The following GALNT10 variants were observed in gnomAD, a reference collection of about 807,000 sequenced individuals.
GALNT10 encodes the protein polypeptide N-acetylgalactosaminyltransferase 10.
Under a neutral mutation model 75.0 loss-of-function variants are expected in GALNT10, and 41 were observed. That is an observed-to-expected ratio of 0.55 (90% CI 0.43 to 0.71). GALNT10 has a LOEUF of 0.71. Among genes scored for constraint, GALNT10 ranks in the 30% least tolerant of loss-of-function variants. The probability of loss-of-function intolerance (pLI) is 0.00; values close to 1 mark genes in which losing one functional copy is unlikely to be tolerated. For missense variants in GALNT10, 727 were observed against 818.5 expected (o/e 0.89, Z 1.36); for synonymous variants, 302 against 313.0 (o/e 0.96, Z 0.37).
chr5:154,380,600 C>T lies in GALNT10; in HGVS notation c.907C>T (p.Leu303=). The change falls in exon 6 of 12, where the codon CTG becomes TTG. Residue 303 remains leucine (L), a synonymous_variant. Coordinates refer to ENST00000297107, the MANE Select transcript of GALNT10 (RefSeq NM_198321.4). ...YYKRIPIPPE[L]QKADPSDPFE... ...CAAGCGGATCCCGATCCCTCCAGAACTGCAGAAAGCTGACCCCAGCGACCC... is the reference window on the plus strand; with the variant it reads ...CAAGCGGATCCCGATCCCTCCAGAATTGCAGAAAGCTGACCCCAGCGACCC... 1 of 1,613,586 alleles carries T rather than the reference C, an allele frequency of 6.2e-7. No homozygotes were observed. The highest frequency in any genetic ancestry group is 1.1e-5 in the South Asian group (1 of 91,032).
intron 4 of GALNT10, among the ~76,000 whole-genome samples, chr5:154,375,092 G>C (rs1755633540): frequency 6.6e-6 from 1 of 152,174 alleles, no homozygotes; most frequent in Non-Finnish European, 1.5e-5. Context: ...GTATATGATT[G>C]TCAGAAACTG....
At chr5:154,223,728 T>C (rs1753021442) in intron 1 of GALNT10, among the ~76,000 whole-genome samples, 1 of 152,140 alleles carries the variant, frequency 6.6e-6, no homozygotes, top group Admixed American at 6.5e-5. Flanking sequence ...GACACCAGCC[T>C]GGCCAACATG....
intron 1 of GALNT10, among the ~76,000 whole-genome samples, chr5:154,236,813 A>G (rs1201282263): frequency 6.6e-6 from 1 of 152,202 alleles, no homozygotes; most frequent in Non-Finnish European, 1.5e-5. Context: ...GAGATCCCCC[A>G]GGGTGGTTGA....
At chr5:154,276,948 A>AC (rs1200634987) in intron 1 of GALNT10, among the ~76,000 whole-genome samples, 2 of 152,174 alleles carry the variant, frequency 1.3e-5, no homozygotes, top group African/African-American at 4.8e-5. Flanking sequence ...CTATTTTGGC[A>AC]CCTTAGCTTG....
intron 4 of GALNT10, among the ~76,000 whole-genome samples, chr5:154,349,276 C>G (rs1054303696): frequency 2.0e-5 from 3 of 152,088 alleles, no homozygotes; most frequent in Non-Finnish European, 4.4e-5. Context: ...TCCTGAGTTA[C>G]TGTACCTCTG....
intron 7 of GALNT10, among the ~76,000 whole-genome samples, chr5:154,401,177 A>G (rs1756154734): frequency 1.3e-5 from 2 of 152,236 alleles, no homozygotes. Context: ...CAGAGGTCAC[A>G]GCAAAGAGAA....
chr5:154,349,139 G>C (rs149133268), intron 4 of GALNT10, among the ~76,000 whole-genome samples: 1 of 152,042 alleles, frequency 6.6e-6, no homozygotes, highest in South Asian at 2.1e-4. Context: ...ATCAGGAAAG[G>C]CTTCCTAGAT....
At chr5:154,391,262 C>G (rs1236330526) in intron 7 of GALNT10, among the ~76,000 whole-genome samples, 1 of 152,182 alleles carries the variant, frequency 6.6e-6, no homozygotes, top group East Asian at 1.9e-4. Context: ...TGCTAAGATC[C>G]CTTTTCTTGG....
At chr5:154,297,388 T>C (rs17115870) in intron 2 of GALNT10, among the ~76,000 whole-genome samples, 67,418 of 152,154 alleles carry the variant, frequency 0.44, 15,728 homozygotes, top group African/African-American at 0.55. Flanking sequence ...AAGTTTGCCT[T>C]ATCTACAGTA....
At chr5:154,364,252 T>G (rs1755441392) in intron 4 of GALNT10, among the ~76,000 whole-genome samples, 1 of 152,062 alleles carries the variant, frequency 6.6e-6, no homozygotes, top group Admixed American at 6.6e-5. Flanking sequence ...TGAGAGATGG[T>G]TCTGGAAAGG....
At chr5:154,260,100 T>G (rs1182363928) in intron 1 of GALNT10, among the ~76,000 whole-genome samples, 1 of 152,178 alleles carries the variant, frequency 6.6e-6, no homozygotes, top group Non-Finnish European at 1.5e-5. Context: ...TTTTTGTTTG[T>G]GTGCAGGGGC....
intron 1 of GALNT10, among the ~76,000 whole-genome samples, chr5:154,195,668 T>C (rs897012339): frequency 2.6e-5 from 4 of 152,184 alleles, no homozygotes; most frequent in African/African-American, 9.6e-5. Flanking sequence ...TTAAACAAGT[T>C]CCCATAGGGA....
rs1294102039 is a variant in GALNT10 at position 154,352,872 on chromosome 5, G to C, written c.568+23134G>C. Among the ~76,000 whole-genome samples, 1 of 152,170 alleles carries C rather than the reference G, an allele frequency of 6.6e-6. No homozygotes were observed. ...CTATGGCAGGGAAGAAATTTTCACA[G>C]GGCGCCCAACTCAGGTGGACAAAGA... On this transcript the variant is annotated intron_variant, in intron 4 of 11. Transcript: ENST00000297107. This position sits in a 1 kb window ranked among gnomAD's most constrained non-coding sequence, Gnocchi z 4.4.
chr5:154,359,832 C>G (rs775904838), intron 4 of GALNT10, among the ~76,000 whole-genome samples: 3 of 151,290 alleles, frequency 2.0e-5, no homozygotes, highest in Non-Finnish European at 4.4e-5. Context: ...CTCACTCTAC[C>G]CCATCTTCCC....
At chr5:154,242,730 C>T (rs943769148) in intron 1 of GALNT10, among the ~76,000 whole-genome samples, 6 of 152,116 alleles carry the variant, frequency 3.9e-5, no homozygotes, top group African/African-American at 9.7e-5. Flanking sequence ...ACCTTGTCTG[C>T]CTAAAGTGTC....
intron 1 of GALNT10, among the ~76,000 whole-genome samples, chr5:154,237,009 A>G (rs1561637093): frequency 1.3e-5 from 2 of 152,192 alleles, no homozygotes; most frequent in South Asian, 2.1e-4. Context: ...ACCATTTTCC[A>G]TATGGATGCC....
chr5:154,347,642 G>A (rs548162140), intron 4 of GALNT10, among the ~76,000 whole-genome samples: 15 of 152,310 alleles, frequency 9.8e-5, no homozygotes, highest in African/African-American at 2.9e-4. Flanking sequence ...GATTACAGGC[G>A]TGAGCCACCA....
chr5:154,353,517 C>T (rs1454617759), intron 4 of GALNT10, among the ~76,000 whole-genome samples: 2 of 152,192 alleles, frequency 1.3e-5, no homozygotes, highest in Non-Finnish European at 2.9e-5. Flanking sequence ...CCCTCAGGCG[C>T]ATTGGGTGGA....
intron 3 of GALNT10, among the ~76,000 whole-genome samples, chr5:154,300,429 C>T (rs190143060): frequency 5.9e-5 from 9 of 152,274 alleles, no homozygotes; most frequent in African/African-American, 1.9e-4. Flanking sequence ...CAGGACCCCA[C>T]CCCAGACCAC....
Sources: gnomAD v4.1 joint callset for allele counts (sites outside exome capture counted in the v4.1 genomes callset) on GRCh38, gnomAD v4.1.1 for gene constraint, Gnocchi (gnomAD v3.1) non-coding constraint, MANE v1.5 for transcripts, NCBI Gene and HGNC (gene_info 2026-07-23, HGNC 2026-07-21) for gene names.